RP1: variants seen among roughly 807,000 people sequenced by gnomAD.
RP1 encodes oxygen-regulated protein 1.
Under a neutral mutation model 14.8 loss-of-function variants are expected in RP1, and 16 were observed. The observed-to-expected ratio is 1.08, with a 90% CI of 0.73 to 1.65. RP1 has a LOEUF of 1.65. Among genes scored for constraint, RP1 ranks in the 40% most tolerant of loss-of-function variants. The pLI, the probability that RP1 is intolerant of heterozygous loss-of-function variation, is 0.00. For synonymous variants in RP1, 876 were observed against 883.6 expected (o/e 0.99, Z 0.15); for missense variants, 2,631 against 2,535.0 (o/e 1.04, Z -0.81).
At chr8:54,759,223 G>T in intron 22 of RP1, 1 of 754,174 alleles carries the variant, frequency 1.3e-6, no homozygotes, top group Non-Finnish European at 1.9e-6. Context: ...TCCACACCAT[G>T]AATAACTCTT....
Position 54,621,129 on chromosome 8 carries a change from GT to G in RP1, c.164del (p.Val55AlafsTer26). On this transcript the variant is annotated frameshift_variant, in exon 2 of 4. Coordinates refer to ENST00000220676, the MANE Select transcript of RP1 (RefSeq NM_006269.2). LOFTEE classifies it high-confidence loss of function. ...CCAATTCGGCGGGGTCAGGGTGGTG[GT>G]CAACCCTCGCTCCTTTAAGTCCTTT... ...DPQFGGVRVV[V>X]NPRSFKSFDA... is the part of the protein sequence containing the mutation. 1 of 1,614,164 alleles carries G rather than the reference GT, an allele frequency of 6.2e-7. No individual in the cohort carries two copies. Among genetic ancestry groups the G allele is most frequent in the East Asian group, 2.2e-5 (1 of 44,876 alleles).
intron 1 of RP1, among the ~76,000 whole-genome samples, chr8:54,593,558 G>A (rs1336285075): frequency 1.3e-5 from 2 of 152,156 alleles, no homozygotes; most frequent in Non-Finnish European, 2.9e-5. Flanking sequence ...TCACTCACAA[G>A]TCCAGCTAAT....
intron 24 of RP1, among the ~76,000 whole-genome samples, chr8:54,830,504 C>G (rs928829878): frequency 6.6e-6 from 1 of 152,086 alleles, no homozygotes; most frequent in African/African-American, 2.4e-5. Context: ...TGTTAATATA[C>G]AGATGCAGAT....
chr8:54,871,167 T>A (rs1812581382), exon 29 of RP1: 1 of 149,438 alleles, frequency 6.7e-6, no homozygotes, highest in Non-Finnish European at 1.5e-5. Flanking sequence ...ATCCATGAAA[T>A]CACTGATTTA....
At chr8:54,847,549 G>C (rs1172889197) in intron 25 of RP1, among the ~76,000 whole-genome samples, 1 of 152,236 alleles carries the variant, frequency 6.6e-6, no homozygotes, top group African/African-American at 2.4e-5. Context: ...ATTTTAGATT[G>C]TGCGATCTTT....
chr8:54,791,776 A>C lies in RP1; in HGVS notation c.3615+8066A>C, dbSNP rs548997366. Among the ~76,000 whole-genome samples the C allele has an allele frequency of 5.3e-5, 8 of 152,256 alleles. No individual in the cohort carries two copies. In the East Asian group the frequency reaches 1.5e-3, roughly 29 times the overall value. On this transcript the variant is annotated intron_variant, in intron 24 of 28. Transcript: ENST00000637698. ...CCAACACAAAAGTCATCAATTACAA[A>C]AGAAGACAATAAGCAAGGAAGAAAG...
At chr8:54,624,443 CAAAAAAAAAAA>C (rs11332494) in intron 3 of RP1, among the ~76,000 whole-genome samples, 3 of 56,596 alleles carry the variant, frequency 5.3e-5, no homozygotes, top group Non-Finnish European at 8.8e-5. Context: ...GACTCTGTCT[CAAAAAAAAAAA>C]AAAAAAAAAA....
At chr8:54,748,903 A>AT (rs1431884128) in intron 19 of RP1, among the ~76,000 whole-genome samples, 3 of 151,904 alleles carry the variant, frequency 2.0e-5, no homozygotes, top group African/African-American at 4.8e-5. Flanking sequence ...TTCTAAAAGG[A>AT]TTTTTTTCTA....
chr8:54,630,240 A>G lies in RP1; in HGVS notation c.6358A>G (p.Arg2120Gly). The change falls in exon 4 of 4, where the codon AGA (arginine) becomes GGA (glycine). Residue 2120 changes from arginine (R) to glycine (G), a missense_variant. Physicochemically the swap from Arg to Gly is moderately radical, Grantham distance 125. Coordinates refer to ENST00000220676, the MANE Select transcript of RP1 (RefSeq NM_006269.2). ...QVETSLNISN[R>G]NILELCMFEG... The stretch of plus-strand genomic sequence containing the variant: ...TGAGACCTCCTTAAATATTAGCAAC[A>G]GAAATATTTTAGAACTTTGTATGTT... 1.2e-6 allele frequency: 2 copies of G among 1,613,670 alleles called. No individual in the cohort carries two copies. Among genetic ancestry groups the G allele is most frequent in the Non-Finnish European group, 1.7e-6 (2 of 1,179,872 alleles).
At chr8:54,752,030 A>G (rs1231029511) in intron 19 of RP1, among the ~76,000 whole-genome samples, 1 of 152,192 alleles carries the variant, frequency 6.6e-6, no homozygotes. Flanking sequence ...GTTAATGTAG[A>G]GGAAGAACCT....
intron 7 of RP1, chr8:54,673,787 T>A: frequency 7.6e-7 from 1 of 1,319,926 alleles, no homozygotes; most frequent in Non-Finnish European, 1.0e-6. Flanking sequence ...CATCTTAATT[T>A]ATACTATTGG....
At chr8:54,716,945 T>A (rs1402735316) in intron 15 of RP1, among the ~76,000 whole-genome samples, 2 of 152,178 alleles carry the variant, frequency 1.3e-5, no homozygotes, top group Non-Finnish European at 2.9e-5. Context: ...TAATGCCCCT[T>A]ATTTCTTTGC....
At chr8:54,657,312 T>TA (rs1264874070) in intron 6 of RP1, among the ~76,000 whole-genome samples, 2 of 152,148 alleles carry the variant, frequency 1.3e-5, no homozygotes, top group Non-Finnish European at 2.9e-5. Context: ...TTTTAACTGT[T>TA]AAAGTTCTGC....
intron 1 of RP1, among the ~76,000 whole-genome samples, chr8:54,585,347 A>G (rs1779177947): frequency 1.3e-5 from 2 of 152,136 alleles, no homozygotes; most frequent in South Asian, 2.1e-4. Context: ...TGGCTTGTAG[A>G]GTTTCTGCTG....
intron 1 of RP1, among the ~76,000 whole-genome samples, chr8:54,599,498 G>T (rs561913143): frequency 2.5e-4 from 38 of 149,526 alleles, no homozygotes; most frequent in Non-Finnish European, 5.9e-5. Flanking sequence ...TCACTCTGTC[G>T]CCCAGGCTGG....
At chr8:54,800,537 CTCTGT>C (rs1810681121) in intron 24 of RP1, among the ~76,000 whole-genome samples, 1 of 151,938 alleles carries the variant, frequency 6.6e-6, no homozygotes, top group East Asian at 1.9e-4. Context: ...TTCTCGGATG[CTCTGT>C]TCTATTATTT....
rs1057038948 is a variant in RP1, at chr8:54,629,232, C to T, written c.5350C>T (p.Pro1784Ser). Residue 1784 changes from proline to serine, a missense_variant, in exon 4 of 4, where the codon CCA becomes TCA. Physicochemically the swap from Pro to Ser is moderately conservative, Grantham distance 74. Transcript: ENST00000220676. ...ACTTGATAATAACAGCAGTGAGGTA[C>T]CATATTCACATTTTGGTAATTTGGC... ...TLLDNNSSEV[P>S]YSHFGNLAPG... The T allele has an allele frequency of 3.1e-6, 5 of 1,613,910 alleles. No individual in the cohort carries two copies. The African/African-American group carries it at 6.7e-5, about 22-fold the overall frequency.
At chr8:54,788,990 T>C (rs747394147) in intron 24 of RP1, among the ~76,000 whole-genome samples, 13 of 152,192 alleles carry the variant, frequency 8.5e-5, no homozygotes, top group Non-Finnish European at 1.6e-4. Context: ...CATGGCATCA[T>C]ACCCAGCTAG....
Position 54,583,979 on chromosome 8 carries a change from G to GT in RP1, c.-13+24665dup, listed in dbSNP as rs934189963. Among the ~76,000 whole-genome samples, 594 of 152,070 alleles carry GT rather than the reference G, an allele frequency of 3.9e-3. 3 individuals are homozygous for GT. The highest frequency in any genetic ancestry group is 0.013 in the African/African-American group (551 of 41,468). ...CCTGGATTCATTGATTTTTTGAAGG[G>GT]TTTTTTGTGTCTCTATTTCCTTCAG... On this transcript the variant is annotated intron_variant, in intron 1 of 22. Coordinates refer to the RP1 transcript ENST00000636932.
Sources: gnomAD v4.1 joint callset for allele counts (sites outside exome capture counted in the v4.1 genomes callset) on GRCh38, gnomAD v4.1.1 for gene constraint, MANE v1.5 for transcripts, NCBI Gene and HGNC (gene_info 2026-07-23, HGNC 2026-07-21) for gene names.